GMEB2: variants seen among roughly 807,000 people sequenced by gnomAD.
GMEB2 encodes the protein glucocorticoid modulatory element-binding protein 2.
Under a neutral mutation model 45.7 loss-of-function variants are expected in GMEB2, and 7 were observed. That is an observed-to-expected ratio of 0.15 (90% CI 0.09 to 0.29). GMEB2 has a LOEUF of 0.29. Ranked by LOEUF, GMEB2 falls within the 10% of genes least tolerant of loss-of-function variation. GMEB2 has a pLI of 1.00. For synonymous variants in GMEB2, 322 were observed against 323.6 expected (o/e 1.00, Z 0.05); for missense variants, 582 against 739.2 (o/e 0.79, Z 2.47).
At chr20:63,606,217 T>A (rs988098857) in intron 2 of GMEB2, among the ~76,000 whole-genome samples, 8 of 152,094 alleles carry the variant, frequency 5.3e-5, no homozygotes, top group Non-Finnish European at 1.2e-4. Flanking sequence ...AAAAATAAGT[T>A]TTTTTTACTT....
chr20:63,611,596 C>T (rs918564623), intron 2 of GMEB2, among the ~76,000 whole-genome samples: 3 of 151,076 alleles, frequency 2.0e-5, no homozygotes, highest in African/African-American at 4.9e-5. Context: ...GCCTGTGTGA[C>T]GGAGTGAGAC....
chr20:63,598,837 G>C (rs2083219803), intron 4 of GMEB2, among the ~76,000 whole-genome samples: 2 of 152,188 alleles, frequency 1.3e-5, no homozygotes, highest in Admixed American at 6.5e-5. Context: ...CTGTGACTGA[G>C]GCTGCTTCCG....
Position 63,615,915 on chromosome 20 carries a change from G to A in GMEB2, c.131+3352C>T, listed in dbSNP as rs2777931. ...AAGGAAAGAAAAATTCATATGTTTC[G>A]ATATAAACAGAACATCTGGAAAGAT... On this transcript the variant is annotated intron_variant, in intron 2 of 9. Transcript: ENST00000370077. 2.4e-4 allele frequency among the ~76,000 whole-genome samples: 36 copies of A among 152,150 alleles called. No homozygotes were observed. The East Asian group carries it at 5.0e-3, about 21-fold the overall frequency.
At chr20:63,604,715 A>G in intron 3 of GMEB2, 28 bp downstream of exon 3, 2 of 1,279,050 alleles carry the variant, frequency 1.6e-6, no homozygotes, top group Non-Finnish European at 2.3e-6. Context: ...GCAAGAAGGC[A>G]GACTTCCCAC....
At chr20:63,615,193 C>T (rs2089599620) in intron 2 of GMEB2, among the ~76,000 whole-genome samples, 1 of 152,330 alleles carries the variant, frequency 6.6e-6, no homozygotes, top group Non-Finnish European at 1.5e-5. Context: ...GGCCCAGTCT[C>T]CTCGTTGAGC....
At chr20:63,624,275 A>C (rs919687016) in intron 1 of GMEB2, among the ~76,000 whole-genome samples, 3 of 150,968 alleles carry the variant, frequency 2.0e-5, no homozygotes, top group African/African-American at 4.9e-5. Flanking sequence ...AAAAAAAAAA[A>C]CAAATTGGCC....
rs377134766 is a variant in GMEB2, at chr20:63,604,753, T to A, written c.219A>T (p.Glu73Asp). ...AGGACGGCTTCCTACCTAACACGGC[T>A]TCCTTGAGCTGGGAGGAGGCTGTGA... ...AAFTASSQLK[E>D]AVLVKMAEEG... is the part of the protein sequence containing the mutation. The change falls in exon 3 of 10, where the codon GAA becomes GAT. Residue 73 changes from glutamate to aspartate, a missense_variant. Transcript: ENST00000370077. The A allele has an allele frequency of 2.4e-5, 38 of 1,599,984 alleles. No individual in the cohort carries two copies. The African/African-American group carries it at 4.8e-4, about 20-fold the overall frequency.
In GMEB2 at chr20:63,604,980, G is replaced by T. The variant is rs937726229; in HGVS notation, c.132-140C>A. On this transcript the variant is annotated intron_variant, in intron 2 of 9. Coordinates refer to ENST00000370077, the MANE Select transcript of GMEB2 (RefSeq NM_012384.5). ...AGAAATGGCAGAGGGGCCGGGTGCGGTGGCTCAAGCCTGTAATCCCAGCAC... is the reference window on the plus strand; with the variant it reads ...AGAAATGGCAGAGGGGCCGGGTGCGTTGGCTCAAGCCTGTAATCCCAGCAC... 2.4e-5 allele frequency: 15 copies of T among 620,252 alleles called. No homozygotes were observed. In the African/African-American group the frequency reaches 2.7e-4, roughly 11 times the overall value. The allele number at this position is 620,252 out of a possible 1,614,324, so 38.4% of individuals were successfully genotyped here.
At position 63,590,316 on chromosome 20, in the gene GMEB2, C is replaced by T; in HGVS notation, c.1366G>A (p.Val456Ile). Reference sequence around the variant, plus strand: ...TCCTGCACGGCGGCCGTGCTCAGGACCGTGAGGCTGGACGCGTCCGGGTGG... The same window carrying T: ...TCCTGCACGGCGGCCGTGCTCAGGATCGTGAGGCTGGACGCGTCCGGGTGG... ...EIHPDASSLT[V>I]LSTAAVQDGS... The change falls in exon 10 of 10, where the codon GTC becomes ATC. Residue 456 changes from valine to isoleucine, a missense_variant. Transcript: ENST00000370077. 1 of 1,612,566 alleles carries T rather than the reference C, an allele frequency of 6.2e-7. No homozygotes were observed. The highest frequency in any genetic ancestry group is 8.5e-7 in the Non-Finnish European group (1 of 1,179,760).
intron 2 of GMEB2, among the ~76,000 whole-genome samples, chr20:63,605,624 T>C (rs767311193): frequency 6.6e-6 from 1 of 151,376 alleles, no homozygotes; most frequent in Non-Finnish European, 1.5e-5. Flanking sequence ...GTTTGGTTCA[T>C]GGTGGCGAGC....
chr20:63,601,658 A>C (rs2083242011), intron 4 of GMEB2, among the ~76,000 whole-genome samples: 1 of 152,074 alleles, frequency 6.6e-6, no homozygotes, highest in South Asian at 2.1e-4. Flanking sequence ...GCAGGTGTTA[A>C]GCCATGGCAC....
chr20:63,592,987 A>G lies in GMEB2; in HGVS notation c.691+24T>C. On this transcript the variant is annotated intron_variant, in intron 7 of 9. Transcript: ENST00000370077. This position sits in a 1 kb window ranked among gnomAD's most constrained non-coding sequence, Gnocchi z 8.2. ...CACCACCCCGCCAGGGCTTGTGAGAAGCCCACAAGGAGGAACCTCGTACCT... is the reference window on the plus strand; with the variant it reads ...CACCACCCCGCCAGGGCTTGTGAGAGGCCCACAAGGAGGAACCTCGTACCT... 1 of 1,540,816 alleles carries G rather than the reference A, an allele frequency of 6.5e-7. No homozygotes were observed. The highest frequency in any genetic ancestry group is 8.9e-7 in the Non-Finnish European group (1 of 1,119,136).
chr20:63,616,516 A>G (rs1337022614), intron 2 of GMEB2, among the ~76,000 whole-genome samples: 1 of 152,252 alleles, frequency 6.6e-6, no homozygotes, highest in Admixed American at 6.5e-5. Flanking sequence ...CAGAGGGAAG[A>G]GCTTCCAAAG....
chr20:63,616,005 CTTATCAGTA>C (rs1453677169), intron 2 of GMEB2, among the ~76,000 whole-genome samples: 1 of 152,060 alleles, frequency 6.6e-6, no homozygotes, highest in Admixed American at 6.6e-5. Flanking sequence ...TGAATTTTTG[CTTATCAGTA>C]TTTTCTAATT....
chr20:63,606,661 T>C (rs2089522068), intron 2 of GMEB2, among the ~76,000 whole-genome samples: 1 of 152,168 alleles, frequency 6.6e-6, no homozygotes, highest in East Asian at 1.9e-4. Flanking sequence ...CAAACAATTT[T>C]TTAAGAAAAG....
chr20:63,618,297 G>C (rs1569059018), intron 2 of GMEB2, among the ~76,000 whole-genome samples: 1 of 152,214 alleles, frequency 6.6e-6, no homozygotes, highest in Non-Finnish European at 1.5e-5. Context: ...GGGGAGGACA[G>C]GGTACCTCAC....
rs577601878 is a variant in GMEB2 at position 63,595,721 on chromosome 20, C to G, written c.508G>C (p.Val170Leu). Reference protein sequence around the residue: ...GELDFYQHDKVCSNTCRSTKI... With the variant: ...GELDFYQHDKLCSNTCRSTKI... ...GTGCTGCGGCAGGTGTTGGAGCAGA[C>G]CTTGTCATGCTGGTAGAAGTCCAGT... Residue 170 changes from valine (V) to leucine (L), a missense_variant, in exon 6 of 10, where the codon GTC becomes CTC. Physicochemically the swap from Val to Leu is conservative, Grantham distance 32 (BLOSUM62 1). Coordinates refer to ENST00000370077, the MANE Select transcript of GMEB2 (RefSeq NM_012384.5). 1.9e-6 allele frequency: 3 copies of G among 1,613,110 alleles called. No individual in the cohort carries two copies. Among genetic ancestry groups the G allele is most frequent in the Non-Finnish European group, 1.7e-6 (2 of 1,179,084 alleles).
intron 1 of GMEB2, among the ~76,000 whole-genome samples, chr20:63,624,326 G>C (rs2089656558): frequency 6.6e-6 from 1 of 151,586 alleles, no homozygotes; most frequent in Admixed American, 6.6e-5. Flanking sequence ...CTACTTGGGA[G>C]GCTGAGGCAG....
chr20:63,598,345 C>CACTG (rs2083215531), intron 4 of GMEB2, among the ~76,000 whole-genome samples: 1 of 102,964 alleles, frequency 9.7e-6, no homozygotes, highest in Admixed American at 8.8e-5. Context: ...CTCACTCTGA[C>CACTG]ACACACACAC....
Sources: gnomAD v4.1 joint callset for allele counts (sites outside exome capture counted in the v4.1 genomes callset) on GRCh38, gnomAD v4.1.1 for gene constraint, Gnocchi (gnomAD v3.1) non-coding constraint, MANE v1.5 for transcripts, NCBI Gene and HGNC (gene_info 2026-07-23, HGNC 2026-07-21) for gene names.